DSCAM: variants seen among roughly 807,000 people sequenced by gnomAD.
DSCAM encodes the protein cell adhesion molecule DSCAM.
DSCAM carries 47 observed loss-of-function variants against 217.7 expected under a neutral mutation model. The observed-to-expected ratio is 0.22, with a 90% CI of 0.17 to 0.28. The LOEUF is 0.28. DSCAM is among the 10% of genes least tolerant of loss of function. DSCAM has a pLI of 1.00. For missense variants in DSCAM, 2,080 were observed against 2,618.3 expected, an observed-to-expected ratio of 0.79 and a Z score of 4.49; for synonymous variants, 1,056 against 1,015.3, an observed-to-expected ratio of 1.04 and a Z score of -0.76.
intron 1 of DSCAM, among the ~76,000 whole-genome samples, chr21:40,832,311 A>C (rs2092017945): frequency 6.6e-6 from 1 of 152,228 alleles, no homozygotes; most frequent in South Asian, 2.1e-4. Context: ...ACGAGTGCGA[A>C]TCAAATGGTC....
At chr21:40,150,734 T>G (rs572913335) in intron 16 of DSCAM, among the ~76,000 whole-genome samples, 1 of 152,338 alleles carries the variant, frequency 6.6e-6, no homozygotes, top group East Asian at 1.9e-4. Context: ...TGAATGATGC[T>G]TTAGACATCT....
chr21:40,224,007 T>C (rs1410499226), intron 11 of DSCAM, among the ~76,000 whole-genome samples: 1 of 152,222 alleles, frequency 6.6e-6, no homozygotes, highest in African/African-American at 2.4e-5. Context: ...GAAGAATGAA[T>C]GAAATCAGGA....
chr21:40,775,321 G>T (rs2091478569), intron 1 of DSCAM, among the ~76,000 whole-genome samples: 1 of 152,122 alleles, frequency 6.6e-6, no homozygotes, highest in South Asian at 2.1e-4. Flanking sequence ...GTCACCAGTG[G>T]ACTTAATGTT....
intron 1 of DSCAM, among the ~76,000 whole-genome samples, chr21:40,821,567 A>G (rs772552856): frequency 7.2e-5 from 11 of 152,008 alleles, no homozygotes; most frequent in South Asian, 2.1e-4. Flanking sequence ...CTCTATGTTT[A>G]TATTTAACAT....
Position 40,517,389 on chromosome 21 carries a change from T to TAC in DSCAM, c.509-148146_509-148145dup, listed in dbSNP as rs1281744909. Among the ~76,000 whole-genome samples the TAC allele has an allele frequency of 5.4e-5, 7 of 129,978 alleles. No individual in the cohort carries two copies. In the East Asian group the frequency reaches 6.5e-4, roughly 12 times the overall value. The allele number at this position is 129,978 out of a possible 152,430, so 85.3% of individuals were successfully genotyped here. A position where few individuals can be genotyped will look rare whatever the true frequency, so the allele number is the denominator to read the frequency against. On this transcript the variant is annotated intron_variant, in intron 3 of 32. Coordinates refer to ENST00000400454, the MANE Select transcript of DSCAM (RefSeq NM_001389.5). ...ACATATACCCACATACACACATCTATACACACACACAAGCAACACACACAC... is the reference window on the plus strand; with the variant it reads ...ACATATACCCACATACACACATCTATACACACACACACAAGCAACACACACAC...
At position 40,036,110 on chromosome 21, in the gene DSCAM, A is replaced by G. The variant is rs1160127658; in HGVS notation, c.5686+6261T>C. Among the ~76,000 whole-genome samples the G allele has an allele frequency of 5.3e-5, 7 of 132,104 alleles. 1 individual carries two copies. Among genetic ancestry groups the G allele is most frequent in the Admixed American group, 5.2e-4 (7 of 13,352 alleles). The allele number at this position is 132,104 out of a possible 152,430, so 86.7% of individuals were successfully genotyped here. A position where few individuals can be genotyped will look rare whatever the true frequency, so the allele number is the denominator to read the frequency against. On this transcript the variant is annotated intron_variant, in intron 32 of 32. Coordinates refer to ENST00000400454, the MANE Select transcript of DSCAM (RefSeq NM_001389.5). ...CTAACATCACAATTAAAAGAACTAG[A>G]AAAGCAAGAGCAAACACATTCAAAA...
At chr21:40,752,346 C>A (rs959137303) in intron 1 of DSCAM, among the ~76,000 whole-genome samples, 4 of 152,056 alleles carry the variant, frequency 2.6e-5, no homozygotes, top group Admixed American at 2.6e-4. Flanking sequence ...GAGGTGGGGC[C>A]CTCCCTCTGG....
chr21:40,039,308 TCAAAAA>T (rs2088698034), intron 32 of DSCAM, among the ~76,000 whole-genome samples: 1 of 141,648 alleles, frequency 7.1e-6, no homozygotes, highest in African/African-American at 2.5e-5. Flanking sequence ...GAAATAAAAA[TCAAAAA>T]AAAAAAGAAT....
chr21:40,172,827 G>A (rs1005982071), intron 15 of DSCAM, among the ~76,000 whole-genome samples: 7 of 152,216 alleles, frequency 4.6e-5, no homozygotes, highest in African/African-American at 1.7e-4. Context: ...TTAAAAAGTA[G>A]TGAGGAGCAG....
intron 1 of DSCAM, among the ~76,000 whole-genome samples, chr21:40,796,244 G>A (rs977330482): frequency 8.5e-5 from 13 of 152,162 alleles, no homozygotes; most frequent in Admixed American, 5.9e-4. Context: ...CAGGCCAATA[G>A]CATGTGAGTG....
chr21:40,577,110 ATATAT>A (rs962620665), intron 3 of DSCAM, among the ~76,000 whole-genome samples: 1 of 151,860 alleles, frequency 6.6e-6, no homozygotes, highest in Non-Finnish European at 1.5e-5. Flanking sequence ...CCATTCATTC[ATATAT>A]TATGAACAAA....
chr21:40,476,643 T>A (rs1224848915), intron 3 of DSCAM, among the ~76,000 whole-genome samples: 2 of 152,192 alleles, frequency 1.3e-5, no homozygotes, highest in Non-Finnish European at 2.9e-5. Context: ...CAGAAGACTA[T>A]AACTGGGGAG....
rs568062350 is a variant in DSCAM at position 40,726,187 on chromosome 21, G to A, written c.44-17416C>T. Among the ~76,000 whole-genome samples, 37 of 152,300 alleles carry A rather than the reference G, an allele frequency of 2.4e-4. No individual in the cohort carries two copies. In the South Asian group the frequency reaches 2.5e-3, roughly 10 times the overall value. ...ATGTATTAAGAAGAGTGTTTAGTCC[G>A]TTGGAGAATTTGGGGAATGAATTAG... On this transcript the variant is annotated intron_variant, in intron 1 of 32. Coordinates refer to ENST00000400454, the MANE Select transcript of DSCAM (RefSeq NM_001389.5).
At position 40,433,377 on chromosome 21, in the gene DSCAM, C is replaced by G. The variant is rs1240525748; in HGVS notation, c.509-64132G>C. Among the ~76,000 whole-genome samples the G allele has an allele frequency of 3.3e-5, 5 of 150,058 alleles. No homozygotes were observed. In the Admixed American group the frequency reaches 3.3e-4, roughly 10 times the overall value. Reference sequence around the variant, plus strand: ...AAAAAAAAAAAAAAAAGAGCACCTGCAGCAGGCAGGCACCAGCTGCACGGG... The same window carrying G: ...AAAAAAAAAAAAAAAAGAGCACCTGGAGCAGGCAGGCACCAGCTGCACGGG... On this transcript the variant is annotated intron_variant, in intron 3 of 32. Coordinates refer to ENST00000400454, the MANE Select transcript of DSCAM (RefSeq NM_001389.5).
chr21:40,521,342 C>T (rs145613578), intron 3 of DSCAM, among the ~76,000 whole-genome samples: 59 of 152,218 alleles, frequency 3.9e-4, no homozygotes, highest in African/African-American at 1.3e-3. Flanking sequence ...TACTTTTTTC[C>T]GTAATGGCTT....
chr21:40,271,192 C>G (rs1187698644), intron 11 of DSCAM, among the ~76,000 whole-genome samples: 1 of 152,186 alleles, frequency 6.6e-6, no homozygotes, highest in Non-Finnish European at 1.5e-5. Flanking sequence ...TTCCTGGATT[C>G]AGCATGGAGG....
At chr21:40,320,026 AGAAAGCATGT>A (rs2074243001) in intron 8 of DSCAM, among the ~76,000 whole-genome samples, 2 of 152,186 alleles carry the variant, frequency 1.3e-5, no homozygotes, top group Non-Finnish European at 1.5e-5. Flanking sequence ...AGGGAGAGGA[AGAAAGCATGT>A]GAAAGCATGG....
At chr21:40,453,687 A>G (rs947208479) in intron 3 of DSCAM, among the ~76,000 whole-genome samples, 1 of 152,112 alleles carries the variant, frequency 6.6e-6, no homozygotes, top group African/African-American at 2.4e-5. Flanking sequence ...AAGTGCTACA[A>G]CTCTTCTTTT....
intron 3 of DSCAM, among the ~76,000 whole-genome samples, chr21:40,538,574 T>G (rs577084094): frequency 6.6e-6 from 1 of 152,326 alleles, no homozygotes; most frequent in East Asian, 1.9e-4. Flanking sequence ...AAAATTTGCC[T>G]TGATATTGTG....
Sources: allele counts gnomAD v4.1 joint callset (sites outside exome capture counted in the v4.1 genomes callset), GRCh38; gene constraint gnomAD v4.1.1; transcripts MANE v1.5; gene names NCBI Gene and HGNC (gene_info 2026-07-23, HGNC 2026-07-21).